Variants in MAP7D2 observed in about 807,000 individuals in gnomAD.
The protein encoded by MAP7D2 is MAP7 domain containing 2.
In MAP7D2, 33 loss-of-function variants were observed where a neutral mutation model predicts 63.5. The ratio of observed to expected loss-of-function variants is 0.52; its 90% CI spans 0.39 to 0.70. The LOEUF is 0.70. MAP7D2 is among the 30% of genes least tolerant of loss of function. MAP7D2 has a pLI of 0.00. For missense variants in MAP7D2, 626 were observed against 604.0 expected (o/e 1.04, Z -0.38); for synonymous variants, 224 against 223.7 (o/e 1.00, Z -0.01).
At chrX:20,045,527 GAAAAAAAAAA>G (rs1170223479) in intron 6 of MAP7D2, among the ~76,000 whole-genome samples, 5 of 18,014 alleles carry the variant, frequency 2.8e-4, no homozygotes, top group African/African-American at 5.0e-4. Flanking sequence ...ACCCCATCTC[GAAAAAAAAAA>G]AAAAAAAAAA....
At chrX:20,077,641 C>G (rs182043914) in intron 1 of MAP7D2, among the ~76,000 whole-genome samples, 1 of 112,085 alleles carries the variant, frequency 8.9e-6, no homozygotes, top group East Asian at 2.8e-4. Context: ...TCTGCGTTGG[C>G]TATTCTAATG....
At chrX:20,059,609 A>T (rs2065147565) in intron 3 of MAP7D2, among the ~76,000 whole-genome samples, 1 of 102,340 alleles carries the variant, frequency 9.8e-6, no homozygotes, top group East Asian at 3.0e-4. Flanking sequence ...GAAGGAAGGA[A>T]GGAAGGAAGG....
intron 10 of MAP7D2, among the ~76,000 whole-genome samples, chrX:20,023,305 T>C (rs1370392484): frequency 8.9e-6 from 1 of 112,696 alleles, no homozygotes. Context: ...ACTGGCAGGA[T>C]GGCAGGGACA....
chrX:20,096,307 A>G (rs1162062054), intron 1 of MAP7D2, among the ~76,000 whole-genome samples: 1 of 95,648 alleles, frequency 1.0e-5, no homozygotes, highest in Non-Finnish European at 2.1e-5. Context: ...GTGCACGCCA[A>G]TAGTCCTAGC....
intron 3 of MAP7D2, among the ~76,000 whole-genome samples, chrX:20,061,839 T>A (rs1023910734): frequency 8.9e-6 from 1 of 112,434 alleles, no homozygotes; most frequent in African/African-American, 3.2e-5. Context: ...TTATGTGACT[T>A]CACAGTACCC....
intron 1 of MAP7D2, among the ~76,000 whole-genome samples, chrX:20,100,793 A>G (rs112655243): frequency 0.051 from 5,654 of 111,118 alleles, 236 homozygotes; most frequent in African/African-American, 0.14. Context: ...AGGCTGAGAC[A>G]GGCAGATCAC....
At chrX:20,081,783 G>C (rs1264359628) in intron 1 of MAP7D2, among the ~76,000 whole-genome samples, 2 of 110,556 alleles carry the variant, frequency 1.8e-5, no homozygotes, top group African/African-American at 6.6e-5. Context: ...CTCCTGAGTA[G>C]CTGGGATTAC....
chrX:20,073,273 T>C (rs1426554123), intron 1 of MAP7D2, among the ~76,000 whole-genome samples: 2 of 111,961 alleles, frequency 1.8e-5, no homozygotes, highest in Non-Finnish European at 3.8e-5. Context: ...CTATAAAGTA[T>C]CTTTGTCACA....
intron 1 of MAP7D2, among the ~76,000 whole-genome samples, chrX:20,109,980 G>A (rs1003878645): frequency 7.3e-5 from 8 of 109,863 alleles, no homozygotes; most frequent in African/African-American, 2.7e-4. Flanking sequence ...TGGTTGCAGT[G>A]AGCCGAGATT....
In MAP7D2 at chrX:20,056,759, C is replaced by T; in HGVS notation, c.405G>A (p.Leu135=). 1 of 1,211,668 alleles carries T rather than the reference C, an allele frequency of 8.3e-7. No individual in the cohort carries two copies. The highest frequency in any genetic ancestry group is 1.1e-6 in the Non-Finnish European group (1 of 895,516). Residue 135 remains leucine (L), a synonymous_variant, in exon 4 of 17, where the codon CTG becomes CTA. Transcript: ENST00000379643. ...TCAGCTCCAGCTGCTGTGTGCGCTCCAGGGACCGGCGCATCATCGCCTCCA... is the reference window on the plus strand; with the variant it reads ...TCAGCTCCAGCTGCTGTGTGCGCTCTAGGGACCGGCGCATCATCGCCTCCA... ...ERLEAMMRRS[L]ERTQQLELKK... is the part of the protein sequence containing the mutation.
intron 10 of MAP7D2, 110 bp from the exon 11 acceptor site, chrX:20,016,435 T>C (rs962758769): frequency 3.2e-6 from 2 of 631,503 alleles, no homozygotes; most frequent in Non-Finnish European, 5.0e-6. Context: ...CACACACACA[T>C]ACCTTTCAAC....
At chrX:20,050,501 G>A (rs1311004712) in intron 6 of MAP7D2, among the ~76,000 whole-genome samples, 2 of 111,768 alleles carry the variant, frequency 1.8e-5, no homozygotes, top group Non-Finnish European at 3.8e-5. Flanking sequence ...GGTAGAGCTG[G>A]CTATGGGACA....
Position 20,042,488 on chromosome X carries a change from G to GGAGCC in MAP7D2, c.1007+13_1007+14insGGCTC. ...TGACAGTCAGACTGTCTGGCAAAGG[G>GGAGCC]GAGAGATGCTTACTTGGATATCACA... On this transcript the variant is annotated intron_variant, in intron 8 of 16. Transcript: ENST00000379643. 1 of 1,210,312 alleles carries GGAGCC rather than the reference G, an allele frequency of 8.3e-7. No individual in the cohort carries two copies. Among genetic ancestry groups the GGAGCC allele is most frequent in the Non-Finnish European group, 1.1e-6 (1 of 894,395 alleles).
In MAP7D2 at chrX:20,088,468, G is replaced by GTTTTTTTTT. The variant is rs779366726; in HGVS notation, c.131-23672_131-23664dup. ...CCCCACCACACCCAGCTAATTTTCA[G>GTTTTTTTTT]TTTTTTTTTTTTTTTTTTTTTTTTT... is the stretch of plus-strand genomic sequence containing the variant. On this transcript the variant is annotated intron_variant, in intron 1 of 16. Transcript: ENST00000379643. Among the ~76,000 whole-genome samples the GTTTTTTTTT allele has an allele frequency of 4.4e-4, 18 of 41,074 alleles. 5 individuals carry two copies. Among genetic ancestry groups the GTTTTTTTTT allele is most frequent in the East Asian group, 2.0e-3 (1 of 501 alleles). 35.7% of individuals were successfully genotyped at this position (41,074 alleles called of 115,157 possible). A position where few individuals can be genotyped will look rare whatever the true frequency, so the allele number is the denominator to read the frequency against.
At position 20,008,932 on chromosome X, in the gene MAP7D2, G is replaced by C. The variant is rs1363131524; in HGVS notation, c.*27-534C>G. On this transcript the variant is annotated intron_variant, in intron 16 of 16. Coordinates refer to ENST00000379643, the MANE Select transcript of MAP7D2 (RefSeq NM_001168465.2). ...TTTTGTGGATTCTCTGTTCCTTACT[G>C]TATAGTGAGGTAAGTGAACTGAAGG... Among the ~76,000 whole-genome samples, 5 of 112,115 alleles carry C rather than the reference G, an allele frequency of 4.5e-5. No individual in the cohort carries two copies. In the East Asian group the frequency reaches 1.1e-3, roughly 25 times the overall value.
chrX:20,024,854 G>T, intron 10 of MAP7D2, 97 bp downstream of exon 10: 1 of 1,010,422 alleles, frequency 9.9e-7, no homozygotes. Context: ...TTCTGTTCAA[G>T]TTTTATCAAT....
At chrX:20,049,812 G>C in intron 6 of MAP7D2, 1 of 322,920 alleles carries the variant, frequency 3.1e-6, no homozygotes, top group South Asian at 2.7e-5. Flanking sequence ...AGTGTGTGAG[G>C]GAAGAGTGTC....
intron 1 of MAP7D2, among the ~76,000 whole-genome samples, chrX:20,111,394 G>A (rs1397002325): frequency 8.9e-6 from 1 of 112,139 alleles, no homozygotes; most frequent in East Asian, 2.8e-4. Flanking sequence ...ATGTACAGGA[G>A]GTGAAAAGGC....
chrX:20,059,677 AAGAC>A (rs1327279130), intron 3 of MAP7D2, among the ~76,000 whole-genome samples: 3 of 105,810 alleles, frequency 2.8e-5, no homozygotes, highest in African/African-American at 6.9e-5. Flanking sequence ...GGAAGGAAGA[AAGAC>A]AGGAAGGAAG....
Sources: gnomAD v4.1 joint callset for allele counts (sites outside exome capture counted in the v4.1 genomes callset) on GRCh38, gnomAD v4.1.1 for gene constraint, MANE v1.5 for transcripts, NCBI Gene and HGNC (gene_info 2026-07-23, HGNC 2026-07-21) for gene names.